The following TRPS1 variants were observed in gnomAD, a reference collection of about 807,000 sequenced individuals.
TRPS1 encodes the protein zinc finger transcription factor Trps1.
TRPS1 carries 6 observed loss-of-function variants against 101.2 expected under a neutral mutation model. That is an observed-to-expected ratio of 0.06 (90% CI 0.03 to 0.12). The LOEUF (loss-of-function observed/expected upper bound fraction) is 0.12. TRPS1 is among the 10% of genes least tolerant of loss of function. The probability of loss-of-function intolerance (pLI) is 1.00; values close to 1 mark genes in which losing one functional copy is unlikely to be tolerated. For missense variants in TRPS1, 1,363 were observed against 1,567.0 expected, an observed-to-expected ratio of 0.87 and a Z score of 2.20; for synonymous variants, 578 against 589.8, an observed-to-expected ratio of 0.98 and a Z score of 0.29.
intron 5 of TRPS1, among the ~76,000 whole-genome samples, chr8:115,516,810 A>C (rs1427781823): frequency 6.6e-6 from 1 of 151,590 alleles, no homozygotes; most frequent in East Asian, 1.9e-4. Context: ...AAACACCGTT[A>C]AGCTTAATCC....
chr8:115,527,811 G>A (rs1467126082), intron 5 of TRPS1, among the ~76,000 whole-genome samples: 1 of 152,046 alleles, frequency 6.6e-6, no homozygotes, highest in Non-Finnish European at 1.5e-5. Context: ...AGCTAATAGG[G>A]TTGAGATAAA....
At chr8:115,471,709 G>T (rs2130017804) in intron 5 of TRPS1, among the ~76,000 whole-genome samples, 1 of 152,278 alleles carries the variant, frequency 6.6e-6, no homozygotes, top group Admixed American at 6.5e-5. Flanking sequence ...AAGCAAGCTA[G>T]TTACTTCCTA....
intron 4 of TRPS1, among the ~76,000 whole-genome samples, chr8:115,592,081 G>C (rs183903152): frequency 9.9e-5 from 15 of 152,270 alleles, no homozygotes; most frequent in African/African-American, 3.6e-4. Context: ...GGATGGAAAA[G>C]GTCTTCTAAC....
chr8:115,591,460 C>A (rs1274447624), intron 4 of TRPS1, among the ~76,000 whole-genome samples: 1 of 152,094 alleles, frequency 6.6e-6, no homozygotes, highest in Non-Finnish European at 1.5e-5. Flanking sequence ...GGTCCTAGGT[C>A]CCTGCCCAAA....
In TRPS1 at chr8:115,587,532, G is replaced by A. The variant is rs1563624959; in HGVS notation, c.2169C>T (p.His723=). 1.2e-6 allele frequency: 2 copies of A among 1,614,198 alleles called. No individual in the cohort carries two copies. The highest frequency in any genetic ancestry group is 1.3e-5 in the African/African-American group (1 of 75,048). Residue 723 remains histidine, a synonymous_variant, in exon 5 of 7, where the codon CAC becomes CAT. Coordinates refer to ENST00000395715, the MANE Select transcript of TRPS1 (RefSeq NM_014112.5). The part of the protein sequence containing the change: ...TAADTQSLLE[H]FNTVHCQEQD... ...GTTCCTGGCAGTGAACAGTGTTGAAGTGCTCCAGTAGTGACTGAGTATCGG... is the reference window on the plus strand; with the variant it reads ...GTTCCTGGCAGTGAACAGTGTTGAAATGCTCCAGTAGTGACTGAGTATCGG...
At chr8:115,470,898 A>G (rs1292478872) in intron 5 of TRPS1, among the ~76,000 whole-genome samples, 1 of 152,210 alleles carries the variant, frequency 6.6e-6, no homozygotes, top group African/African-American at 2.4e-5. Context: ...TGGAGTTGAT[A>G]TTTAGTTTCT....
chr8:115,621,219 T>C (rs1048735021), intron 2 of TRPS1, among the ~76,000 whole-genome samples: 1 of 152,230 alleles, frequency 6.6e-6, no homozygotes, highest in Non-Finnish European at 1.5e-5. Context: ...TGCTGTTTCT[T>C]AATCACTCAG....
At position 115,414,451 on chromosome 8, in the gene TRPS1, T is replaced by A; in HGVS notation, c.3457A>T (p.Asn1153Tyr). The change falls in exon 7 of 7, where the codon AAC (asparagine) becomes TAC (tyrosine). Residue 1153 changes from asparagine (N) to tyrosine (Y), a missense_variant. Coordinates refer to ENST00000395715, the MANE Select transcript of TRPS1 (RefSeq NM_014112.5). This position sits in a 1 kb window ranked among gnomAD's most constrained non-coding sequence, Gnocchi z 4.8. The part of the protein sequence containing the change: ...HVPGLPNPCQ[N>Y]YVPYPTFNLP... ...TTGAAGGTGGGATAAGGCACATAGT[T>A]TTGGCAAGGATTTGGTAGGCCAGGC... 1 of 1,613,952 alleles carries A rather than the reference T, an allele frequency of 6.2e-7. No homozygotes were observed. The highest frequency in any genetic ancestry group is 8.5e-7 in the Non-Finnish European group (1 of 1,179,950).
At chr8:115,435,034 T>G (rs1813414790) in intron 5 of TRPS1, among the ~76,000 whole-genome samples, 1 of 152,226 alleles carries the variant, frequency 6.6e-6, no homozygotes, top group South Asian at 2.1e-4. Context: ...TTATTATAAA[T>G]TATTGATCTA....
intron 5 of TRPS1, among the ~76,000 whole-genome samples, chr8:115,469,742 T>C (rs1814418471): frequency 6.6e-6 from 1 of 152,150 alleles, no homozygotes; most frequent in African/African-American, 2.4e-5. Context: ...TTGGCCAGGC[T>C]GGTCTTGAAC....
chr8:115,546,575 A>C (rs949099126), intron 5 of TRPS1, among the ~76,000 whole-genome samples: 13 of 60,362 alleles, frequency 2.2e-4, no homozygotes, highest in African/African-American at 6.2e-4. Context: ...CTGGCATGTA[A>C]AATGTGACAC....
At position 115,627,958 on chromosome 8, in the gene TRPS1, T is replaced by C. The variant is rs1586473088; in HGVS notation, c.-121-4200A>G. Reference sequence around the variant, plus strand: ...TCACAGCACCAGTAAGCCAAGTATATTCAGTAAGTTTTATTACTATTAGTA... The same window carrying C: ...TCACAGCACCAGTAAGCCAAGTATACTCAGTAAGTTTTATTACTATTAGTA... On this transcript the variant is annotated intron_variant, in intron 1 of 6. Coordinates refer to ENST00000395715, the MANE Select transcript of TRPS1 (RefSeq NM_014112.5). Among the ~76,000 whole-genome samples the C allele has an allele frequency of 2.0e-5, 3 of 151,812 alleles. No individual in the cohort carries two copies. The South Asian group carries it at 6.2e-4, about 31-fold the overall frequency.
chr8:115,597,668 TGTGA>T (rs1322025800), intron 4 of TRPS1, among the ~76,000 whole-genome samples: 1 of 152,112 alleles, frequency 6.6e-6, no homozygotes, highest in East Asian at 1.9e-4. Context: ...ACTTTATCAT[TGTGA>T]GTGTGGTGTG....
intron 5 of TRPS1, among the ~76,000 whole-genome samples, chr8:115,488,844 G>C (rs940186420): frequency 1.3e-5 from 2 of 152,102 alleles, no homozygotes; most frequent in Admixed American, 1.3e-4. Context: ...ATAATTTAGA[G>C]TTAAAATAAT....
chr8:115,631,610 G>C (rs1160553553), intron 1 of TRPS1, among the ~76,000 whole-genome samples: 1 of 150,998 alleles, frequency 6.6e-6, no homozygotes, highest in Non-Finnish European at 1.5e-5. Flanking sequence ...CTATGACACA[G>C]AAGGCACTCG....
intron 5 of TRPS1, among the ~76,000 whole-genome samples, chr8:115,490,253 G>A (rs760668517): frequency 6.6e-6 from 1 of 152,034 alleles, no homozygotes; most frequent in Non-Finnish European, 1.5e-5. Flanking sequence ...AAGCAAGAAA[G>A]TAAAACCGTG....
intron 5 of TRPS1, among the ~76,000 whole-genome samples, chr8:115,542,979 T>C (rs1816488460): frequency 6.6e-6 from 1 of 152,192 alleles, no homozygotes. Context: ...TTCTCTTTTA[T>C]ACTTGCAAAA....
intron 5 of TRPS1, among the ~76,000 whole-genome samples, chr8:115,443,736 T>C (rs545730294): frequency 1.3e-5 from 2 of 152,208 alleles, no homozygotes; most frequent in South Asian, 2.1e-4. Flanking sequence ...AATTCAGTGA[T>C]TGGATAACAT....
chr8:115,661,617 C>G (rs1035624822), intron 1 of TRPS1: 2 of 152,030 alleles, frequency 1.3e-5, no homozygotes, highest in Non-Finnish European at 2.9e-5. Context: ...AAAACATCAT[C>G]CTTAATCTCT....
Sources: allele counts gnomAD v4.1 joint callset (sites outside exome capture counted in the v4.1 genomes callset), GRCh38; gene constraint gnomAD v4.1.1; non-coding constraint Gnocchi (gnomAD v3.1); transcripts MANE v1.5; gene names NCBI Gene and HGNC (gene_info 2026-07-23, HGNC 2026-07-21).